Variants in SEC24D observed in about 807,000 individuals in gnomAD.
SEC24D encodes protein transport protein Sec24D.
A neutral mutation model predicts 116.9 loss-of-function variants in SEC24D; 69 were observed. That is an observed-to-expected ratio of 0.59 (90% CI 0.49 to 0.72). The LOEUF is 0.72. SEC24D is among the 30% of genes least tolerant of loss of function. The probability of loss-of-function intolerance (pLI) is 0.00; values close to 1 mark genes in which losing one functional copy is unlikely to be tolerated. For missense variants in SEC24D, 1,131 were observed against 1,264.1 expected (o/e 0.89, Z 1.60); for synonymous variants, 405 against 442.8 (o/e 0.91, Z 1.07).
intron 8 of SEC24D, among the ~76,000 whole-genome samples, chr4:118,792,936 T>A (rs1021856687): frequency 6.6e-6 from 1 of 152,216 alleles, no homozygotes; most frequent in Non-Finnish European, 1.5e-5. Context: ...TTGCTTTTTA[T>A]AAATTTTGAC....
chr4:118,753,707 T>G (rs914546187), intron 11 of SEC24D, among the ~76,000 whole-genome samples: 1 of 152,056 alleles, frequency 6.6e-6, no homozygotes, highest in Admixed American at 6.6e-5. Flanking sequence ...GTTTGTTGAG[T>G]GCATTGTACA....
chr4:118,814,300 G>C (rs562177357), intron 6 of SEC24D, among the ~76,000 whole-genome samples: 1 of 152,314 alleles, frequency 6.6e-6, no homozygotes, highest in South Asian at 2.1e-4. Context: ...ATTTTGGCCA[G>C]CTCTGTTTCC....
In SEC24D at chr4:118,731,369, G is replaced by T. The variant is rs757577562; in HGVS notation, c.2815C>A (p.Leu939Met). ...GGCACATTAAATATTCCTTGGATCA[G>T]TTCTGGTGGGCTGCTTACTCCCAAC... ...LWLGVSSPPE[L>M]IQGIFNVPSF... The change falls in exon 21 of 23, where the codon CTG becomes ATG. Residue 939 changes from leucine (L) to methionine (M), a missense_variant. Transcript: ENST00000280551. 9 of 1,613,922 alleles carry T rather than the reference G, an allele frequency of 5.6e-6. No homozygotes were observed. In the Admixed American group the frequency reaches 8.3e-5, roughly 15 times the overall value.
At chr4:118,826,218 C>T (rs1235428880) in intron 2 of SEC24D, among the ~76,000 whole-genome samples, 1 of 152,018 alleles carries the variant, frequency 6.6e-6, no homozygotes, top group Non-Finnish European at 1.5e-5. Flanking sequence ...AACCCCAAAC[C>T]CAGCAAAGTT....
At chr4:118,764,158 A>C (rs1484681023) in intron 10 of SEC24D, among the ~76,000 whole-genome samples, 2 of 152,194 alleles carry the variant, frequency 1.3e-5, no homozygotes, top group African/African-American at 4.8e-5. Context: ...CTGAGGTGAT[A>C]GTTTGGGGGG....
rs1730529314 is a variant in SEC24D, at chr4:118,824,735, C to G, written c.133G>C (p.Ala45Pro). ...TASPTGMMKP[A>P]GPLGATATRG... ...GTGGCGGTGGCCCCCAAAGGCCCTG[C>G]TGGCTTCATCATACCTGCAAGAGAG... The change falls in exon 3 of 23, where the codon GCA becomes CCA. Residue 45 changes from alanine to proline, a missense_variant. Physicochemically the swap from Ala to Pro is conservative, Grantham distance 27 (BLOSUM62 -1). Coordinates refer to ENST00000280551, the MANE Select transcript of SEC24D (RefSeq NM_014822.4). The G allele has an allele frequency of 2.5e-6, 4 of 1,596,480 alleles. No individual in the cohort carries two copies. The East Asian group carries it at 9.0e-5, about 36-fold the overall frequency.
chr4:118,816,283 T>C (rs536621202), intron 4 of SEC24D, among the ~76,000 whole-genome samples: 1 of 152,250 alleles, frequency 6.6e-6, no homozygotes, highest in South Asian at 2.1e-4. Flanking sequence ...AGGGAATTCA[T>C]AGAATAAATT....
chr4:118,785,429 T>C (rs1482408970), intron 8 of SEC24D, among the ~76,000 whole-genome samples: 1 of 152,164 alleles, frequency 6.6e-6, no homozygotes, highest in Admixed American at 6.5e-5. Flanking sequence ...GTTAGTCAAA[T>C]CTACATATCA....
At chr4:118,831,733 AGG>A (rs1730866194) in intron 2 of SEC24D, among the ~76,000 whole-genome samples, 1 of 151,970 alleles carries the variant, frequency 6.6e-6, no homozygotes, top group African/African-American at 2.4e-5. Context: ...TCTAGAGCTT[AGG>A]GGAGGCATCT....
intron 7 of SEC24D, among the ~76,000 whole-genome samples, chr4:118,801,128 G>T (rs1181117646): frequency 6.6e-6 from 1 of 152,122 alleles, no homozygotes; most frequent in Non-Finnish European, 1.5e-5. Context: ...CGGGCATGGT[G>T]GCGGGCACCT....
At chr4:118,784,970 T>C (rs1275445364) in intron 8 of SEC24D, among the ~76,000 whole-genome samples, 1 of 152,138 alleles carries the variant, frequency 6.6e-6, no homozygotes, top group Non-Finnish European at 1.5e-5. Flanking sequence ...TAATTTGTAG[T>C]GCATCCCCAA....
chr4:118,809,068 G>A (rs887924237), intron 6 of SEC24D, among the ~76,000 whole-genome samples: 1 of 151,648 alleles, frequency 6.6e-6, no homozygotes, highest in Non-Finnish European at 1.5e-5. Context: ...CTGCCTCCCA[G>A]GTTCATGCCA....
chr4:118,728,233 C>T (rs1445591504), intron 22 of SEC24D, among the ~76,000 whole-genome samples: 1 of 152,090 alleles, frequency 6.6e-6, no homozygotes, highest in Non-Finnish European at 1.5e-5. Flanking sequence ...CTAAATGATA[C>T]TTTTATAATT....
In SEC24D at chr4:118,815,124, T is replaced by C; in HGVS notation, c.705A>G (p.Gln235=). ...CAGGGAAGCCTCCTGGGTAAGACAGTTGTGCGCCTGCCATCTGGGGACCAG... is the reference window on the plus strand; with the variant it reads ...CAGGGAAGCCTCCTGGGTAAGACAGCTGTGCGCCTGCCATCTGGGGACCAG... ...ANSGPQMAGA[Q]LSYPGGFPGG... Residue 235 remains glutamine, a synonymous_variant, in exon 6 of 23, where the codon CAA becomes CAG. Coordinates refer to ENST00000280551, the MANE Select transcript of SEC24D (RefSeq NM_014822.4). 1 of 1,614,124 alleles carries C rather than the reference T, an allele frequency of 6.2e-7. No individual in the cohort carries two copies. The highest frequency in any genetic ancestry group is 8.5e-7 in the Non-Finnish European group (1 of 1,179,992).
Position 118,752,701 on chromosome 4 carries a change from G to C in SEC24D, c.1609C>G (p.His537Asp), listed in dbSNP as rs1726899317. 6.3e-7 allele frequency: 1 copy of C among 1,594,376 alleles called. No individual in the cohort carries two copies. Among genetic ancestry groups the C allele is most frequent in the Non-Finnish European group, 8.5e-7 (1 of 1,171,584 alleles). The change falls in exon 12 of 23, where the codon CAT becomes GAT. Residue 537 changes from histidine (H) to aspartate (D), a missense_variant. Transcript: ENST00000280551. The stretch of plus-strand genomic sequence containing the variant: ...TATAAAACACTTGATATTTACTTAT[G>C]AATCACAGATTGGGATTCTTGATAG... ...VNYQESQSVIHNLLDQIPDMF... is the reference protein window; with the variant it reads ...VNYQESQSVIDNLLDQIPDMF...
intron 17 of SEC24D, among the ~76,000 whole-genome samples, chr4:118,740,296 A>AGTGTTTG (rs1726164391): frequency 6.6e-6 from 1 of 152,168 alleles, no homozygotes; most frequent in Non-Finnish European, 1.5e-5. Flanking sequence ...TAAGCTGCTT[A>AGTGTTTG]TTCTGTAGTG....
intron 11 of SEC24D, among the ~76,000 whole-genome samples, chr4:118,753,679 G>A (rs971704519): frequency 2.0e-5 from 3 of 151,880 alleles, no homozygotes; most frequent in African/African-American, 7.3e-5. Context: ...GAATTTCATG[G>A]TCTAAACTTA....
chr4:118,738,968 G>A (rs1290419623), intron 18 of SEC24D, among the ~76,000 whole-genome samples, 181 bp downstream of exon 18: 1 of 152,156 alleles, frequency 6.6e-6, no homozygotes, highest in African/African-American at 2.4e-5. Flanking sequence ...CCTGAACTGA[G>A]TTACCTCACT....
chr4:118,762,880 T>C (rs940851984), intron 10 of SEC24D, among the ~76,000 whole-genome samples: 68 of 152,176 alleles, frequency 4.5e-4, no homozygotes, highest in African/African-American at 1.6e-3. Flanking sequence ...ACTAAGACTT[T>C]TGTTCCCAGA....
Sources: gnomAD v4.1 joint callset for allele counts (sites outside exome capture counted in the v4.1 genomes callset) on GRCh38, gnomAD v4.1.1 for gene constraint, MANE v1.5 for transcripts, NCBI Gene and HGNC (gene_info 2026-07-23, HGNC 2026-07-21) for gene names.